Variants in VPS13C observed in about 807,000 individuals in gnomAD.
The protein encoded by VPS13C is intermembrane lipid transfer protein VPS13C.
In VPS13C, 358 loss-of-function variants were observed where a neutral mutation model predicts 456.8. The ratio of observed to expected loss-of-function variants is 0.78; its 90% confidence interval spans 0.72 to 0.86. VPS13C has a LOEUF of 0.86. VPS13C is among the 40% of genes least tolerant of loss of function. VPS13C has a pLI of 0.00. For synonymous variants in VPS13C, 1,578 were observed against 1,486.7 expected, an observed-to-expected ratio of 1.06 and a Z score of -1.41; for missense variants, 4,818 against 4,385.4, an observed-to-expected ratio of 1.10 and a Z score of -2.79.
At position 61,982,500 on chromosome 15, in the gene VPS13C, G is replaced by A. The variant is rs1045660719; in HGVS notation, c.1988C>T (p.Thr663Ile). The A allele has an allele frequency of 3.7e-6, 6 of 1,609,004 alleles. No homozygotes were observed. The highest frequency in any genetic ancestry group is 5.1e-6 in the Non-Finnish European group (6 of 1,178,276). ...CTTAATTTCTTCCAGCTTCATCAATGTTGCTGATGTTATTTGCTCAAGATC... is the reference window on the plus strand; with the variant it reads ...CTTAATTTCTTCCAGCTTCATCAATATTGCTGATGTTATTTGCTCAAGATC... ...GLDLEQITSA[T>I]LMKLEEIKER... Residue 663 changes from threonine to isoleucine, a missense_variant, in exon 21 of 85, where the codon ACA (threonine) becomes ATA (isoleucine). Around this residue, in one of 3 missense-constraint regions of VPS13C, gnomAD observed 4,552 missense variants for 4,130.6 expected, o/e 1.10. Transcript: ENST00000644861.
At chr15:61,917,971 G>C (rs2043526913) in intron 59 of VPS13C, among the ~76,000 whole-genome samples, 165 bp downstream of exon 59, 1 of 152,028 alleles carries the variant, frequency 6.6e-6, no homozygotes, top group Admixed American at 6.6e-5. Flanking sequence ...ATTTTCACCT[G>C]ATAAATTCAA....
At chr15:61,977,604 A>G (rs2045743123) in intron 23 of VPS13C, among the ~76,000 whole-genome samples, 2 of 152,028 alleles carry the variant, frequency 1.3e-5, no homozygotes, top group Non-Finnish European at 2.9e-5. Context: ...CCTAAGTACA[A>G]TATTTACACC....
chr15:61,859,062 GT>G lies in VPS13C; in HGVS notation c.10953-2654del, dbSNP rs1475992863. Among the ~76,000 whole-genome samples the G allele has an allele frequency of 8.5e-5, 13 of 152,216 alleles. No individual in the cohort carries two copies. In the East Asian group the frequency reaches 2.5e-3, roughly 29 times the overall value. On this transcript the variant is annotated intron_variant, in intron 82 of 84. Transcript: ENST00000644861. ...TACTATTCTGTGTGAGAAGCTACAA[GT>G]GATATCAAATAAAAAAATAACTGCC... is the stretch of plus-strand genomic sequence containing the variant.
At chr15:61,930,710 G>T (rs2140221495) in intron 50 of VPS13C, among the ~76,000 whole-genome samples, 1 of 152,140 alleles carries the variant, frequency 6.6e-6, no homozygotes, top group East Asian at 1.9e-4. Context: ...GTTTTAAAAA[G>T]ACATGATCAA....
chr15:61,979,191 C>T lies in VPS13C; in HGVS notation c.2167-442G>A, dbSNP rs559855444. ...TCAGCTCCAATTTGTACTGCCTTTT[C>T]CCCCTTCCTGGTGGAAGCAAGGATC... On this transcript the variant is annotated intron_variant, in intron 22 of 84. Coordinates refer to ENST00000644861, the MANE Select transcript of VPS13C (RefSeq NM_020821.3). Among the ~76,000 whole-genome samples, 13 of 152,268 alleles carry T rather than the reference C, an allele frequency of 8.5e-5. No individual in the cohort carries two copies. The East Asian group carries it at 2.5e-3, about 29-fold the overall frequency.
At position 61,878,503 on chromosome 15, in the gene VPS13C, G is replaced by T. The variant is rs542507085; in HGVS notation, c.10142+104C>A. The T allele has an allele frequency of 4.1e-5, 60 of 1,448,606 alleles. No individual in the cohort carries two copies. The South Asian group carries it at 7.0e-4, about 17-fold the overall frequency. The allele number at this position is 1,448,606 out of a possible 1,614,324, so 89.7% of individuals were successfully genotyped here. A position where few individuals can be genotyped will look rare whatever the true frequency, so the allele number is the denominator to read the frequency against. On this transcript the variant is annotated intron_variant, in intron 74 of 84. Transcript: ENST00000644861. Reference sequence around the variant, plus strand: ...AAATTCTCCAAATATAAGTAGTAAAGTTATCCTTTTCCTAAGCTAACATTG... The same window carrying T: ...AAATTCTCCAAATATAAGTAGTAAATTTATCCTTTTCCTAAGCTAACATTG...
chr15:61,986,911 G>A (rs946197840), intron 18 of VPS13C, among the ~76,000 whole-genome samples: 2 of 151,960 alleles, frequency 1.3e-5, no homozygotes, highest in Non-Finnish European at 1.5e-5. Flanking sequence ...AGGAAAAATA[G>A]AGATATTTTC....
At chr15:62,003,568 T>C (rs1596462133) in intron 15 of VPS13C, among the ~76,000 whole-genome samples, 1 of 151,848 alleles carries the variant, frequency 6.6e-6, no homozygotes, top group Non-Finnish European at 1.5e-5. Context: ...GGAATAGGAG[T>C]GGTGAGAGAG....
intron 1 of VPS13C, among the ~76,000 whole-genome samples, chr15:62,048,256 A>ACC (rs35315460): frequency 5.8e-4 from 21 of 35,920 alleles, no homozygotes; most frequent in African/African-American, 7.7e-4. Flanking sequence ...CCCTCCCCCC[A>ACC]CCCCCCCCAA....
chr15:61,964,812 G>T lies in VPS13C; in HGVS notation c.3101C>A (p.Ala1034Asp). The T allele has an allele frequency of 6.2e-7, 1 of 1,611,930 alleles. No individual in the cohort carries two copies. The highest frequency in any genetic ancestry group is 1.7e-5 in the Admixed American group (1 of 59,762). Residue 1034 changes from alanine to aspartate, a missense_variant, in exon 31 of 85, where the codon GCT becomes GAT. Around this residue, in one of 3 missense-constraint regions of VPS13C, gnomAD observed 4,552 missense variants for 4,130.6 expected, o/e 1.10. Transcript: ENST00000644861. Reference sequence around the variant, plus strand: ...AATGGTTGTGAGGTAATTAATAGAAGCGACAAGAGCTTGTGTTTGCAGCAA... The same window carrying T: ...AATGGTTGTGAGGTAATTAATAGAATCGACAAGAGCTTGTGTTTGCAGCAA... ...NLLLQTQALVASINYLTTIIP... is the reference protein window; with the variant it reads ...NLLLQTQALVDSINYLTTIIP...
At position 61,978,761 on chromosome 15, in the gene VPS13C, G is replaced by A; in HGVS notation, c.2167-12C>T. On this transcript the variant is annotated splice_polypyrimidine_tract_variant and intron_variant, in intron 22 of 84. Coordinates refer to ENST00000644861, the MANE Select transcript of VPS13C (RefSeq NM_020821.3). ...TCTTTACTGTTGAGCTAAAATGAAG[G>A]ACAAATTTCAATTTTTTTTTCCAAA... 1 of 1,567,352 alleles carries A rather than the reference G, an allele frequency of 6.4e-7. No homozygotes were observed. The highest frequency in any genetic ancestry group is 2.3e-5 in the East Asian group (1 of 43,126).
At chr15:62,001,625 T>C (rs996316380) in intron 15 of VPS13C, among the ~76,000 whole-genome samples, 4 of 152,140 alleles carry the variant, frequency 2.6e-5, no homozygotes, top group Non-Finnish European at 4.4e-5. Context: ...CCCACTAACT[T>C]GTCATCTAGC....
chr15:61,925,704 T>C (rs1239159666), intron 52 of VPS13C, among the ~76,000 whole-genome samples, 156 bp from the exon 53 acceptor site: 1 of 152,216 alleles, frequency 6.6e-6, no homozygotes, highest in Non-Finnish European at 1.5e-5. Context: ...TGAGACTCTG[T>C]TGTGAAGACT....
At chr15:61,994,870 G>A (rs909716323) in intron 16 of VPS13C, among the ~76,000 whole-genome samples, 8 of 152,164 alleles carry the variant, frequency 5.3e-5, no homozygotes, top group Non-Finnish European at 1.0e-4. Flanking sequence ...TTACAGGAGT[G>A]GGCCATCACA....
intron 81 of VPS13C, chr15:61,866,704 T>C (rs1336158447): frequency 2.0e-6 from 2 of 985,096 alleles, no homozygotes; most frequent in Non-Finnish European, 2.4e-6. Flanking sequence ...CTTGGTCCCT[T>C]AAGGACAGAA....
At chr15:61,917,751 G>T in intron 59 of VPS13C, 116 bp from the exon 60 acceptor site, 1 of 1,112,948 alleles carries the variant, frequency 9.0e-7, no homozygotes, top group Non-Finnish European at 1.2e-6. Flanking sequence ...TGTTTTTACA[G>T]ATATACAGAT....
At chr15:62,001,382 T>A (rs1266868473) in intron 15 of VPS13C, among the ~76,000 whole-genome samples, 1 of 152,216 alleles carries the variant, frequency 6.6e-6, no homozygotes, top group African/African-American at 2.4e-5. Flanking sequence ...AAAATAGGAA[T>A]TCAACTCATT....
At chr15:61,996,125 T>C (rs539349376) in intron 16 of VPS13C, among the ~76,000 whole-genome samples, 40 of 152,318 alleles carry the variant, frequency 2.6e-4, no homozygotes, top group African/African-American at 8.9e-4. Context: ...TATATGAACC[T>C]GTCAAAATCT....
intron 26 of VPS13C, among the ~76,000 whole-genome samples, chr15:61,973,095 G>A (rs183191889): frequency 1.3e-5 from 2 of 152,158 alleles, no homozygotes; most frequent in East Asian, 1.9e-4. Flanking sequence ...GAATGACCAC[G>A]ATAGACATGG....
Sources: allele counts gnomAD v4.1 joint callset (sites outside exome capture counted in the v4.1 genomes callset), GRCh38; gene constraint gnomAD v4.1.1; regional missense constraint gnomAD v4.1.1; transcripts MANE v1.5; gene names NCBI Gene and HGNC (gene_info 2026-07-23, HGNC 2026-07-21).